Variants in ZBTB20 observed in about 807,000 individuals in gnomAD.
ZBTB20 encodes the protein zinc finger and BTB domain-containing protein 20.
Under a neutral mutation model 56.9 loss-of-function variants are expected in ZBTB20, and 9 were observed. The observed-to-expected ratio is 0.16, with a 90% confidence interval of 0.10 to 0.28. The LOEUF (loss-of-function observed/expected upper bound fraction) is 0.28. ZBTB20 is among the 10% of genes least tolerant of loss of function. ZBTB20 has a pLI of 1.00. For missense variants in ZBTB20, 655 were observed against 1,003.0 expected, an observed-to-expected ratio of 0.65 and a Z score of 4.69; for synonymous variants, 417 against 420.7, an observed-to-expected ratio of 0.99 and a Z score of 0.11.
intron 4 of ZBTB20, among the ~76,000 whole-genome samples, chr3:114,810,830 T>C (rs2072467535): frequency 6.6e-6 from 1 of 152,104 alleles, no homozygotes; most frequent in African/African-American, 2.4e-5. Context: ...TAACTGCCAT[T>C]GAATGAACGT....
Position 114,350,531 on chromosome 3 carries a change from G to T in ZBTB20, c.1547C>A (p.Pro516His). The change falls in exon 11 of 12, where the codon CCC (proline) becomes CAC (histidine). Residue 516 changes from proline to histidine, a missense_variant. By Grantham distance (77) the Pro-to-His change is moderately conservative. Transcript: ENST00000675478. ...TYLPALFTTQ[P>H]AGSGPKPFLF... is the part of the protein sequence containing the mutation. ...GAAAGGCTTGGGGCCACTGCCCGCG[G>T]GCTGGGTAGTGAAGAGGGCTGGCAG... 1 of 1,614,154 alleles carries T rather than the reference G, an allele frequency of 6.2e-7. No homozygotes were observed.
At chr3:115,040,897 AT>A (rs1386884964) in intron 2 of ZBTB20, among the ~76,000 whole-genome samples, 3 of 152,268 alleles carry the variant, frequency 2.0e-5, no homozygotes, top group Non-Finnish European at 4.4e-5. Flanking sequence ...AGAGTGCCCA[AT>A]TCTTCATAAT....
intron 6 of ZBTB20, among the ~76,000 whole-genome samples, chr3:114,553,855 T>G (rs1004611934): frequency 2.0e-5 from 3 of 152,124 alleles, no homozygotes; most frequent in African/African-American, 7.2e-5. Flanking sequence ...AGCTTCCATA[T>G]TCCCATAATG....
At chr3:115,105,869 G>A (rs964014508) in intron 1 of ZBTB20, among the ~76,000 whole-genome samples, 1 of 152,194 alleles carries the variant, frequency 6.6e-6, no homozygotes, top group African/African-American at 2.4e-5. Context: ...CCAGGCTGGA[G>A]TGCAGTGGTG....
chr3:114,550,227 T>A (rs570059378), intron 6 of ZBTB20, among the ~76,000 whole-genome samples: 1 of 152,190 alleles, frequency 6.6e-6, no homozygotes, highest in Non-Finnish European at 1.5e-5. Context: ...CATGAGCCAC[T>A]GTGCCCACCC....
chr3:114,412,378 A>T (rs1042026071), intron 7 of ZBTB20, among the ~76,000 whole-genome samples: 1 of 152,176 alleles, frequency 6.6e-6, no homozygotes, highest in Non-Finnish European at 1.5e-5. Context: ...TGAGCCAAGC[A>T]GTGTGCCAAA....
At chr3:114,457,122 G>A (rs760927637) in intron 7 of ZBTB20, among the ~76,000 whole-genome samples, 93 of 152,356 alleles carry the variant, frequency 6.1e-4, no homozygotes, top group Non-Finnish European at 1.1e-3. Flanking sequence ...TGATAGGCCA[G>A]AGCCCAGAAG....
chr3:115,083,430 A>C (rs1007814906), intron 1 of ZBTB20, among the ~76,000 whole-genome samples: 2 of 152,010 alleles, frequency 1.3e-5, no homozygotes. Context: ...AATACCAAAA[A>C]AGTCTGTATT....
At position 114,321,409 on chromosome 3, in the gene ZBTB20, T is replaced by C. The variant is rs2078890484; in HGVS notation, c.*17596A>G. ...TATGTCAGCTCAGCTCCTGACATGA[T>C]ATCCATGCTTATTGGCCTCCTGGAG... On this transcript the variant is annotated 3_prime_UTR_variant, in exon 12 of 12. Transcript: ENST00000675478. 1 of 152,270 alleles carries C rather than the reference T, an allele frequency of 6.6e-6. No homozygotes were observed. Among genetic ancestry groups the C allele is most frequent in the Non-Finnish European group, 1.5e-5 (1 of 68,084 alleles). The allele number at this position is 152,270 out of a possible 1,614,324, so 9.4% of individuals were successfully genotyped here.
chr3:114,360,406 C>T (rs1268556737), intron 10 of ZBTB20, among the ~76,000 whole-genome samples: 20 of 149,248 alleles, frequency 1.3e-4, no homozygotes, highest in Admixed American at 4.0e-4. Context: ...TGCAGTGGCG[C>T]GATCTCCAGC....
rs72943854 is a variant in ZBTB20 at position 115,052,037 on chromosome 3, C to A, written c.-507+19182G>T. ...TGATCTGATCACCTCCCATCAAGTCCCTCCCCCAACATTGGGGATTAAAAT... is the reference window on the plus strand; with the variant it reads ...TGATCTGATCACCTCCCATCAAGTCACTCCCCCAACATTGGGGATTAAAAT... On this transcript the variant is annotated intron_variant, in intron 2 of 11. Transcript: ENST00000675478. Among the ~76,000 whole-genome samples, 850 of 152,026 alleles carry A rather than the reference C, an allele frequency of 5.6e-3. 11 individuals carry two copies. The highest frequency in any genetic ancestry group is 0.02 in the African/African-American group (823 of 41,456).
At chr3:115,045,170 T>C (rs2081288323) in intron 2 of ZBTB20, among the ~76,000 whole-genome samples, 1 of 152,208 alleles carries the variant, frequency 6.6e-6, no homozygotes, top group Admixed American at 6.5e-5. Flanking sequence ...TACAATTTCC[T>C]ATAATAACTC....
At chr3:115,038,458 T>C (rs1448977449) in intron 2 of ZBTB20, among the ~76,000 whole-genome samples, 3 of 152,154 alleles carry the variant, frequency 2.0e-5, no homozygotes, top group African/African-American at 7.2e-5. Context: ...TAAATAGATG[T>C]AAATACAATT....
At chr3:114,833,219 G>A (rs1465821451) in intron 4 of ZBTB20, among the ~76,000 whole-genome samples, 5 of 152,016 alleles carry the variant, frequency 3.3e-5, no homozygotes, top group Non-Finnish European at 7.4e-5. Context: ...TACAACTCAG[G>A]TTGCCGAATA....
chr3:115,099,232 C>G (rs2083489786), intron 1 of ZBTB20, among the ~76,000 whole-genome samples: 4 of 152,070 alleles, frequency 2.6e-5, no homozygotes, highest in African/African-American at 7.2e-5. Context: ...TATTTATGCT[C>G]CCCAAAATGT....
At chr3:115,010,942 C>T (rs1358300709) in intron 2 of ZBTB20, among the ~76,000 whole-genome samples, 1 of 151,838 alleles carries the variant, frequency 6.6e-6, no homozygotes, top group Non-Finnish European at 1.5e-5. Context: ...ATAAATTTAA[C>T]AAAGAGAATA....
chr3:115,095,042 A>G (rs1418875596), intron 1 of ZBTB20, among the ~76,000 whole-genome samples: 1 of 152,130 alleles, frequency 6.6e-6, no homozygotes, highest in Non-Finnish European at 1.5e-5. Context: ...TTTTAAATGC[A>G]TAATATGAAC....
At chr3:114,867,593 G>A (rs1057436863) in intron 4 of ZBTB20, among the ~76,000 whole-genome samples, 1 of 152,042 alleles carries the variant, frequency 6.6e-6, no homozygotes, top group African/African-American at 2.4e-5. Flanking sequence ...ACCCCACCAC[G>A]CCCGGCTAAC....
intron 4 of ZBTB20, among the ~76,000 whole-genome samples, chr3:114,892,874 C>G (rs968553410): frequency 6.6e-6 from 1 of 152,114 alleles, no homozygotes; most frequent in African/African-American, 2.4e-5. Context: ...ATTCCATCAC[C>G]AGGCATAAGA....
Sources: gnomAD v4.1 joint callset for allele counts (sites outside exome capture counted in the v4.1 genomes callset) on GRCh38, gnomAD v4.1.1 for gene constraint, MANE v1.5 for transcripts, NCBI Gene and HGNC (gene_info 2026-07-23, HGNC 2026-07-21) for gene names.